OSBPL9: variants seen among roughly 807,000 people sequenced by gnomAD.
The protein encoded by OSBPL9 is oxysterol-binding protein-related protein 9.
OSBPL9 carries 40 observed loss-of-function variants against 106.6 expected under a neutral mutation model. The ratio of observed to expected loss-of-function variants is 0.38; its 90% CI spans 0.29 to 0.49. The LOEUF is 0.49. Among genes scored for constraint, OSBPL9 ranks in the 20% least tolerant of loss-of-function variants. OSBPL9 has a pLI of 0.97. For synonymous variants in OSBPL9, 269 were observed against 295.4 expected (o/e 0.91, Z 0.92); for missense variants, 609 against 887.2 (o/e 0.69, Z 3.98).
chr1:51,710,626 A>G (rs1233616580), intron 3 of OSBPL9, among the ~76,000 whole-genome samples: 1 of 152,206 alleles, frequency 6.6e-6, no homozygotes, highest in African/African-American at 2.4e-5. Flanking sequence ...TAATTCATAA[A>G]GGATATATTT....
Position 51,760,703 on chromosome 1 carries a change from C to T in OSBPL9, c.596C>T (p.Pro199Leu). The change falls in exon 10 of 24, where the codon CCC becomes CTC. Residue 199 changes from proline (P) to leucine (L), a missense_variant. By Grantham distance (98) the Pro-to-Leu change is moderately conservative (BLOSUM62 -3). Transcript: ENST00000428468. Reference sequence around the variant, plus strand: ...TCTTTATTTTAGAGTACTATTAATCCCGTAGATGCAATATATCAACCTAGT... The same window carrying T: ...TCTTTATTTTAGAGTACTATTAATCTCGTAGATGCAATATATCAACCTAGT... ...HADGMISTINPVDAIYQPSPL... is the reference protein window; with the variant it reads ...HADGMISTINLVDAIYQPSPL... 1 of 1,613,510 alleles carries T rather than the reference C, an allele frequency of 6.2e-7. No homozygotes were observed. Among genetic ancestry groups the T allele is most frequent in the Non-Finnish European group, 8.5e-7 (1 of 1,179,752 alleles).
At chr1:51,776,655 T>C (rs1354511726) in intron 14 of OSBPL9, among the ~76,000 whole-genome samples, 178 bp from the exon 15 acceptor site, 1 of 152,168 alleles carries the variant, frequency 6.6e-6, no homozygotes, top group African/African-American at 2.4e-5. Context: ...AGGTTAATGG[T>C]CATTTCTGAA....
At chr1:51,539,178 G>A in the OSBPL9 span, among the ~76,000 whole-genome samples, 7 of 152,066 alleles carry the variant, frequency 4.6e-5, no homozygotes, top group Admixed American at 6.6e-5. Flanking sequence ...GACATCTCAG[G>A]TTTAACATAT....
the OSBPL9 span, among the ~76,000 whole-genome samples, chr1:51,526,643 C>G: frequency 6.6e-6 from 1 of 151,886 alleles, no homozygotes; most frequent in Non-Finnish European, 1.5e-5. Flanking sequence ...ACACTGGAAG[C>G]AAAGGAGATT....
chr1:51,597,091 C>G (rs1645303903), intron 1 of OSBPL9, among the ~76,000 whole-genome samples: 1 of 152,114 alleles, frequency 6.6e-6, no homozygotes, highest in Non-Finnish European at 1.5e-5. Context: ...AGTGCAAAGG[C>G]TCTGAGAAGG....
Position 51,711,832 on chromosome 1 carries a change from G to A in OSBPL9, c.242-2171G>A, listed in dbSNP as rs950393382. On this transcript the variant is annotated intron_variant, in intron 3 of 23. Transcript: ENST00000428468. ...AGATGATGGGCGGCGGGGCAGAGAC[G>A]CTCCTCACTTCCTAGATGTGATGGT... is the stretch of plus-strand genomic sequence containing the variant. Among the ~76,000 whole-genome samples, 3 of 150,676 alleles carry A rather than the reference G, an allele frequency of 2.0e-5. No homozygotes were observed. In the East Asian group the frequency reaches 5.9e-4, roughly 30 times the overall value.
At chr1:51,533,024 T>G in the OSBPL9 span, among the ~76,000 whole-genome samples, 10 of 152,080 alleles carry the variant, frequency 6.6e-5, no homozygotes, top group Admixed American at 6.6e-5. Context: ...AATTGGTAAT[T>G]GGTAATAATT....
At chr1:51,781,416 G>A in intron 16 of OSBPL9, 81 bp downstream of exon 16, 1 of 1,352,796 alleles carries the variant, frequency 7.4e-7, no homozygotes, top group Admixed American at 2.0e-5. Flanking sequence ...TAATAATGAT[G>A]AAAGCAATGA....
Position 51,588,832 on chromosome 1 carries a change from A to G in OSBPL9, c.-422-9292A>G, listed in dbSNP as rs868638564. On this transcript the variant is annotated intron_variant, in intron 1 of 25. Transcript: ENST00000371714. ...TCCCAGGGCAATTCATTCTTTGTCA[A>G]CAAAAAATTATTGAGCACCTACTAT... Among the ~76,000 whole-genome samples the G allele has an allele frequency of 1.6e-4, 25 of 152,188 alleles. 1 individual carries two copies. Among genetic ancestry groups the G allele is most frequent in the Admixed American group, 1.1e-3 (17 of 15,278 alleles).
intron 1 of OSBPL9, among the ~76,000 whole-genome samples, chr1:51,623,564 T>C (rs1186316699): frequency 6.6e-6 from 1 of 152,206 alleles, no homozygotes; most frequent in Non-Finnish European, 1.5e-5. Context: ...AGATATTCCT[T>C]GTAAAAGGAG....
chr1:51,544,593 C>T, the OSBPL9 span, among the ~76,000 whole-genome samples: 1 of 151,668 alleles, frequency 6.6e-6, no homozygotes, highest in Non-Finnish European at 1.5e-5. Flanking sequence ...GGGTGTGAGT[C>T]TGAAGTTAAG....
At chr1:51,747,655 T>A (rs1276890000) in intron 6 of OSBPL9, among the ~76,000 whole-genome samples, 5 of 151,882 alleles carry the variant, frequency 3.3e-5, no homozygotes, top group Non-Finnish European at 5.9e-5. Context: ...AACTCACCTT[T>A]CATTTTTAGT....
At chr1:51,701,411 T>C (rs1415757087) in intron 3 of OSBPL9, among the ~76,000 whole-genome samples, 15 of 152,206 alleles carry the variant, frequency 9.9e-5, no homozygotes, top group African/African-American at 3.4e-4. Context: ...AAACCTCCGA[T>C]TGTAGTTCAA....
chr1:51,726,234 T>C (rs1033967436), intron 4 of OSBPL9, among the ~76,000 whole-genome samples: 1 of 152,184 alleles, frequency 6.6e-6, no homozygotes, highest in Non-Finnish European at 1.5e-5. Context: ...GGTCTCCTAA[T>C]TTGGGAGTCA....
intron 4 of OSBPL9, chr1:51,730,224 A>T: frequency 8.8e-7 from 1 of 1,140,678 alleles, no homozygotes; most frequent in South Asian, 4.6e-5. Context: ...CTCCAGTTCC[A>T]CCGAGAGGGC....
At chr1:51,672,520 A>G (rs1489688876) in intron 3 of OSBPL9, among the ~76,000 whole-genome samples, 1 of 151,704 alleles carries the variant, frequency 6.6e-6, no homozygotes, top group East Asian at 1.9e-4. Flanking sequence ...CCAGGCAACT[A>G]CTTTTCTGCT....
chr1:51,606,195 G>C (rs1001702969), intron 2 of OSBPL9, among the ~76,000 whole-genome samples: 1 of 152,166 alleles, frequency 6.6e-6, no homozygotes, highest in Non-Finnish European at 1.5e-5. Context: ...GGAAAGGAAA[G>C]GCTGTGTGAT....
chr1:51,585,883 A>G (rs1256187328), intron 1 of OSBPL9, among the ~76,000 whole-genome samples: 1 of 151,954 alleles, frequency 6.6e-6, no homozygotes, highest in Non-Finnish European at 1.5e-5. Flanking sequence ...TTTAATTAAA[A>G]GGGTAATGGC....
chr1:51,519,217 G>A, the OSBPL9 span: 8 of 1,417,576 alleles, frequency 5.6e-6, no homozygotes, highest in Non-Finnish European at 7.4e-6. Flanking sequence ...GAGAGAGCTG[G>A]GCCGCCGCAG....
Sources: gnomAD v4.1 joint callset for allele counts (sites outside exome capture counted in the v4.1 genomes callset) on GRCh38, gnomAD v4.1.1 for gene constraint, MANE v1.5 for transcripts, NCBI Gene and HGNC (gene_info 2026-07-23, HGNC 2026-07-21) for gene names.